Variants in ZNF529 observed in about 807,000 individuals in gnomAD.
ZNF529 encodes zinc finger protein 529.
ZNF529 carries 11 observed loss-of-function variants against 10.1 expected under a neutral mutation model. That is an observed-to-expected ratio of 1.09 (90% CI 0.69 to 1.81). The LOEUF is 1.81. Among genes scored for constraint, ZNF529 ranks in the 40% most tolerant of loss-of-function variants. The pLI is 0.00. For missense variants in ZNF529, 624 were observed against 666.8 expected, an observed-to-expected ratio of 0.94 and a Z score of 0.71; for synonymous variants, 204 against 215.7, an observed-to-expected ratio of 0.95 and a Z score of 0.47.
upstream of ZNF529, chr19:36,573,473 C>T (rs1194317986): frequency 4.2e-6 from 2 of 470,996 alleles, no homozygotes; most frequent in Non-Finnish European, 4.4e-6. Flanking sequence ...CAGAGGCTGC[C>T]GCTGCGCGTC....
At chr19:36,570,103 G>T (rs1453971595) in intron 2 of ZNF529, among the ~76,000 whole-genome samples, 1 of 152,104 alleles carries the variant, frequency 6.6e-6, no homozygotes, top group Non-Finnish European at 1.5e-5. Context: ...GCTCACACCT[G>T]TAATTCCAAC....
At chr19:36,565,164 A>G (rs2035849337) in intron 2 of ZNF529, among the ~76,000 whole-genome samples, 1 of 152,190 alleles carries the variant, frequency 6.6e-6, no homozygotes, top group Non-Finnish European at 1.5e-5. Flanking sequence ...AGACAAGATC[A>G]ATTGTACTCC....
At chr19:36,605,229 G>C (rs1018319857) in exon 1 of ZNF529, 21 of 152,352 alleles carry the variant, frequency 1.4e-4, no homozygotes, top group Admixed American at 1.2e-3. Flanking sequence ...ACGGAGGGGA[G>C]CGCCGGCAGC....
chr19:36,548,351 G>A, intron 4 of ZNF529, 29 bp from the exon 5 acceptor site: 1 of 1,481,054 alleles, frequency 6.8e-7, no homozygotes, highest in South Asian at 1.4e-5. Context: ...TAATTTTCAT[G>A]TACTACAAAA....
Position 36,548,334 on chromosome 19 carries a change from G to A in ZNF529, c.236-12C>T, listed in dbSNP as rs1257344781. The A allele has an allele frequency of 6.7e-7, 1 of 1,499,540 alleles. No homozygotes were observed. The allele number at this position is 1,499,540 out of a possible 1,614,324, so 92.9% of individuals were successfully genotyped here. A position where few individuals can be genotyped will look rare whatever the true frequency, so the allele number is the denominator to read the frequency against. ...CCTGGACTCCAAATCTGAAAGAAAG[G>A]AAAAAATAATTTTCATGTACTACAA... On this transcript the variant is annotated splice_polypyrimidine_tract_variant and intron_variant, in intron 4 of 4. Coordinates refer to ENST00000591340, the MANE Select transcript of ZNF529 (RefSeq NM_020951.5).
chr19:36,552,274 CA>C (rs1166647645), intron 4 of ZNF529, among the ~76,000 whole-genome samples: 1 of 151,842 alleles, frequency 6.6e-6, no homozygotes, highest in African/African-American at 2.4e-5. Flanking sequence ...ACTAAAAATA[CA>C]AAAAATTAGC....
At chr19:36,556,862 G>C (rs2035495556) in intron 2 of ZNF529, among the ~76,000 whole-genome samples, 1 of 152,208 alleles carries the variant, frequency 6.6e-6, no homozygotes, top group Non-Finnish European at 1.5e-5. Context: ...GAACTGAATT[G>C]ACTTGCAACA....
chr19:36,586,280 A>C (rs1407157224), intron 2 of ZNF529, among the ~76,000 whole-genome samples: 1 of 152,206 alleles, frequency 6.6e-6, no homozygotes, highest in South Asian at 2.1e-4. Context: ...ATGGAGCTAC[A>C]GGGGAAAAGA....
intron 1 of ZNF529, among the ~76,000 whole-genome samples, chr19:36,604,191 AC>A (rs1415415755): frequency 2.0e-5 from 3 of 152,120 alleles, no homozygotes; most frequent in Admixed American, 6.6e-5. Context: ...ACACACACAC[AC>A]AAAATCTTTG....
chr19:36,588,390 C>G (rs898639218), intron 2 of ZNF529, among the ~76,000 whole-genome samples: 4 of 152,084 alleles, frequency 2.6e-5, no homozygotes, highest in African/African-American at 9.7e-5. Context: ...GTGTCCACTC[C>G]CTGCTGTCTT....
rs185246773 is a variant in ZNF529 at position 36,566,218 on chromosome 19, C to T, written c.14+6115G>A. Reference sequence around the variant, plus strand: ...GAGTTGTGTGAGTCCATCTAGCAGTCAGTGAACCTGAAAGTGGTCTTGGAG... The same window carrying T: ...GAGTTGTGTGAGTCCATCTAGCAGTTAGTGAACCTGAAAGTGGTCTTGGAG... On this transcript the variant is annotated intron_variant, in intron 2 of 4. Coordinates refer to ENST00000591340, the MANE Select transcript of ZNF529 (RefSeq NM_020951.5). 5.6e-3 allele frequency among the ~76,000 whole-genome samples: 855 copies of T among 152,322 alleles called. 26 individuals carry two copies. Among genetic ancestry groups the T allele is most frequent in the Admixed American group, 0.038 (579 of 15,306 alleles).
chr19:36,573,502 C>T (rs1026177964), upstream of ZNF529: 1 of 470,080 alleles, frequency 2.1e-6, no homozygotes. Context: ...GCGGAAGAGG[C>T]GGCTGGTGGT....
At chr19:36,576,951 C>CT (rs34964583), upstream of ZNF529, among the ~76,000 whole-genome samples, 1 of 148,432 alleles carries the variant, frequency 6.7e-6, no homozygotes, top group East Asian at 2.0e-4. Flanking sequence ...TCTACTTTTT[C>CT]TTTTTTCTTT....
intron 1 of ZNF529, among the ~76,000 whole-genome samples, chr19:36,604,278 A>G (rs1329118337): frequency 6.6e-6 from 1 of 152,190 alleles, no homozygotes; most frequent in African/African-American, 2.4e-5. Flanking sequence ...TTCCAGCTCT[A>G]ACATCTCCAT....
At chr19:36,567,790 C>CA (rs2035953306) in intron 2 of ZNF529, among the ~76,000 whole-genome samples, 1 of 151,912 alleles carries the variant, frequency 6.6e-6, no homozygotes, top group African/African-American at 2.4e-5. Context: ...GGATAAGCAG[C>CA]AAAAGAAAAT....
intron 4 of ZNF529, among the ~76,000 whole-genome samples, chr19:36,552,775 T>A (rs2035312983): frequency 6.6e-6 from 1 of 152,290 alleles, no homozygotes; most frequent in Non-Finnish European, 1.5e-5. Context: ...AAAGTTTTAC[T>A]AAATAAAATC....
intron 2 of ZNF529, chr19:36,587,409 G>A (rs2036606478): frequency 6.6e-6 from 1 of 152,206 alleles, no homozygotes; most frequent in African/African-American, 2.4e-5. Context: ...TACCCTGCTA[G>A]TGGGAATGTA....
chr19:36,587,664 G>C (rs571185301), intron 2 of ZNF529, among the ~76,000 whole-genome samples: 2 of 152,278 alleles, frequency 1.3e-5, no homozygotes, highest in African/African-American at 4.8e-5. Context: ...CCACACTTTA[G>C]AATATTATTC....
intron 4 of ZNF529, among the ~76,000 whole-genome samples, chr19:36,551,119 C>G (rs1023407811): frequency 2.6e-5 from 4 of 152,140 alleles, no homozygotes; most frequent in Non-Finnish European, 5.9e-5. Flanking sequence ...AGTTTTACAA[C>G]AGTGGGTCAC....
Sources: allele counts gnomAD v4.1 joint callset (sites outside exome capture counted in the v4.1 genomes callset), GRCh38; gene constraint gnomAD v4.1.1; transcripts MANE v1.5; gene names NCBI Gene and HGNC (gene_info 2026-07-23, HGNC 2026-07-21).